The following MAL2 variants were observed in gnomAD, a reference collection of about 807,000 sequenced individuals.
MAL2 encodes mal, T cell differentiation protein 2.
In MAL2, 17 loss-of-function variants were observed where a neutral mutation model predicts 18.1. The observed-to-expected ratio is 0.94, with a 90% CI of 0.64 to 1.41. MAL2 has a LOEUF of 1.41. Among genes scored for constraint, MAL2 ranks in the 40% most tolerant of loss-of-function variants. The pLI, the probability that MAL2 is intolerant of heterozygous loss-of-function variation, is 0.00. For synonymous variants in MAL2, 102 were observed against 102.3 expected (o/e 1.00, Z 0.02); for missense variants, 222 against 231.9 (o/e 0.96, Z 0.28).
chr8:119,229,889 A>C (rs1044030835), intron 2 of MAL2, among the ~76,000 whole-genome samples: 1 of 152,022 alleles, frequency 6.6e-6, no homozygotes, highest in Non-Finnish European at 1.5e-5. Flanking sequence ...CAGCAGTTCC[A>C]CTCTGGTGGG....
At chr8:119,237,200 C>A (rs199818899) in intron 2 of MAL2, among the ~76,000 whole-genome samples, 11,732 of 150,288 alleles carry the variant, frequency 0.078, 1,337 homozygotes, top group African/African-American at 0.25. Context: ...GAAATGGATA[C>A]ATTCCTCGAC....
At chr8:119,225,353 G>T (rs1199201532) in intron 2 of MAL2, among the ~76,000 whole-genome samples, 3 of 151,174 alleles carry the variant, frequency 2.0e-5, no homozygotes, top group African/African-American at 7.3e-5. Context: ...TCCCATCTAT[G>T]AGTGAGAACA....
intron 2 of MAL2, among the ~76,000 whole-genome samples, chr8:119,234,185 A>G (rs56398539): frequency 0.079 from 12,038 of 152,232 alleles, 1,387 homozygotes; most frequent in African/African-American, 0.25. Context: ...TCCGAGTCAA[A>G]GAAAGGGGTG....
chr8:119,243,313 C>T, intron 3 of MAL2, 104 bp from the exon 4 acceptor site: 1 of 661,940 alleles, frequency 1.5e-6, no homozygotes, highest in Non-Finnish European at 2.3e-6. Context: ...GTCGAAGTAT[C>T]TTTAGGTAGA....
chr8:119,236,606 T>A (rs1486562097), intron 2 of MAL2, among the ~76,000 whole-genome samples: 1 of 151,726 alleles, frequency 6.6e-6, no homozygotes, highest in Non-Finnish European at 1.5e-5. Context: ...CAGACCACAG[T>A]GCAATCAAAC....
chr8:119,229,766 C>T lies in MAL2; in HGVS notation c.303+8009C>T, dbSNP rs1010883883. 3.9e-5 allele frequency among the ~76,000 whole-genome samples: 6 copies of T among 152,184 alleles called. No homozygotes were observed. In the South Asian group the frequency reaches 1.2e-3, roughly 32 times the overall value. ...ACAGCTGCTGTCCCTTTCAACCTTGCAACCACATAGGAGCCAACTCTTCCA... is the reference window on the plus strand; with the variant it reads ...ACAGCTGCTGTCCCTTTCAACCTTGTAACCACATAGGAGCCAACTCTTCCA... On this transcript the variant is annotated intron_variant, in intron 2 of 3. Transcript: ENST00000614891.
intron 2 of MAL2, among the ~76,000 whole-genome samples, chr8:119,236,649 C>A (rs201014859): frequency 2.8e-4 from 42 of 151,184 alleles, no homozygotes; most frequent in Non-Finnish European, 4.3e-4. Flanking sequence ...CACTCAAAAC[C>A]GCTCAACTAC....
intron 3 of MAL2, among the ~76,000 whole-genome samples, chr8:119,243,032 A>G (rs1347086760): frequency 6.6e-6 from 1 of 152,198 alleles, no homozygotes; most frequent in Non-Finnish European, 1.5e-5. Context: ...TCAGGTTCTG[A>G]TAGTTGCTGG....
rs1817218542 is a variant in MAL2 at position 119,208,469 on chromosome 8, C to T, written c.-4C>T. On this transcript the variant is annotated 5_prime_UTR_variant, in exon 1 of 4. Coordinates refer to ENST00000614891, the MANE Select transcript of MAL2 (RefSeq NM_052886.3). The surrounding 1 kb of genome is among the most constrained non-coding windows in gnomAD (Gnocchi z 4.3). ...CGCGGAGACGCAGCAGCGGCAGCGG[C>T]AGCATGTCGGCCGGCGGAGCGTCAG... The T allele has an allele frequency of 1.6e-6, 2 of 1,256,238 alleles. No individual in the cohort carries two copies. 77.8% of individuals were successfully genotyped at this position (1,256,238 alleles called of 1,614,324 possible). A position where few individuals can be genotyped will look rare whatever the true frequency, so the allele number is the denominator to read the frequency against.
intron 2 of MAL2, among the ~76,000 whole-genome samples, chr8:119,227,984 C>T (rs967825746): frequency 8.0e-6 from 1 of 124,382 alleles, no homozygotes; most frequent in African/African-American, 2.6e-5. Context: ...TGCTTCAGGC[C>T]AGTATTGCTA....
chr8:119,213,782 C>G (rs1242043006), intron 1 of MAL2, among the ~76,000 whole-genome samples: 1 of 152,134 alleles, frequency 6.6e-6, no homozygotes, highest in African/African-American at 2.4e-5. Flanking sequence ...CGCACCATCA[C>G]CCTCCAGCCT....
intron 2 of MAL2, among the ~76,000 whole-genome samples, chr8:119,234,864 C>A (rs1817840719): frequency 1.3e-5 from 2 of 151,866 alleles, no homozygotes; most frequent in African/African-American, 4.9e-5. Context: ...GGGGAAAAAA[C>A]AGAACATAAA....
intron 2 of MAL2, among the ~76,000 whole-genome samples, chr8:119,239,225 A>T (rs1298646590): frequency 6.6e-6 from 1 of 152,212 alleles, no homozygotes; most frequent in African/African-American, 2.4e-5. Flanking sequence ...CCACAATGAG[A>T]TATCATCTCA....
chr8:119,241,469 C>T (rs200025627), intron 3 of MAL2, among the ~76,000 whole-genome samples: 14,259 of 152,114 alleles, frequency 0.094, 1,976 homozygotes, highest in African/African-American at 0.3. Flanking sequence ...GCAGTCTGAG[C>T]GACAGACCAA....
chr8:119,222,336 C>G (rs1817481790), intron 2 of MAL2, among the ~76,000 whole-genome samples: 1 of 151,838 alleles, frequency 6.6e-6, no homozygotes, highest in African/African-American at 2.4e-5. Flanking sequence ...CAAGACCAGC[C>G]TGGCCAACAT....
intron 1 of MAL2, among the ~76,000 whole-genome samples, chr8:119,220,820 G>C (rs1445535446): frequency 6.6e-6 from 1 of 152,190 alleles, no homozygotes; most frequent in Non-Finnish European, 1.5e-5. Flanking sequence ...GCAGTGCCCA[G>C]TATTTGCCCA....
intron 2 of MAL2, among the ~76,000 whole-genome samples, chr8:119,226,121 G>C (rs1440096687): frequency 1.3e-5 from 2 of 152,118 alleles, no homozygotes; most frequent in Admixed American, 6.5e-5. Context: ...TTCTTTTGCT[G>C]TGCAGAAGCT....
chr8:119,232,144 G>GCCATCCCACAATGTATAAATATTC (rs1563774884), intron 2 of MAL2, among the ~76,000 whole-genome samples: 2 of 151,650 alleles, frequency 1.3e-5, no homozygotes, highest in Admixed American at 6.6e-5. Context: ...GCTCCACTTA[G>GCCATCCCACAATGTATAAATATTC]CCATCCCACA....
intron 1 of MAL2, among the ~76,000 whole-genome samples, chr8:119,209,762 T>C (rs1817242974): frequency 6.6e-6 from 1 of 152,172 alleles, no homozygotes; most frequent in African/African-American, 2.4e-5. Flanking sequence ...TAGCCCGGAT[T>C]TGAATCTGAA....
Sources: gnomAD v4.1 joint callset for allele counts (sites outside exome capture counted in the v4.1 genomes callset) on GRCh38, gnomAD v4.1.1 for gene constraint, Gnocchi (gnomAD v3.1) non-coding constraint, MANE v1.5 for transcripts, NCBI Gene and HGNC (gene_info 2026-07-23, HGNC 2026-07-21) for gene names.